SDC3: variants seen among roughly 807,000 people sequenced by gnomAD.
SDC3 encodes syndecan 3.
Under a neutral mutation model 24.4 loss-of-function variants are expected in SDC3, and 13 were observed. That is an observed-to-expected ratio of 0.53 (90% CI 0.35 to 0.85). The LOEUF (loss-of-function observed/expected upper bound fraction) is 0.85. Among genes scored for constraint, SDC3 ranks in the 40% least tolerant of loss-of-function variants. The pLI is 0.01. For missense variants in SDC3, 571 were observed against 584.5 expected (o/e 0.98, Z 0.24); for synonymous variants, 295 against 260.9 (o/e 1.13, Z -1.26).
Position 30,876,850 on chromosome 1 carries a change from G to A in SDC3, c.572C>T (p.Pro191Leu). 2 of 1,613,400 alleles carry A rather than the reference G, an allele frequency of 1.2e-6. No individual in the cohort carries two copies. The highest frequency in any genetic ancestry group is 1.7e-6 in the Non-Finnish European group (2 of 1,179,746). Reference sequence around the variant, plus strand: ...GGTGGCCGTAAAAGGGGGTGCTGCAGGGGTGCTGGGGGTGGCGGTGGCCAC... The same window carrying A: ...GGTGGCCGTAAAAGGGGGTGCTGCAAGGGTGCTGGGGGTGGCGGTGGCCAC... ...ATVATATPST[P>L]AAPPFTATTA... Residue 191 changes from proline (P) to leucine (L), a missense_variant, in exon 3 of 5, where the codon CCT becomes CTT. By Grantham distance (98) the Pro-to-Leu change is moderately conservative (BLOSUM62 -3). Coordinates refer to ENST00000339394, the MANE Select transcript of SDC3 (RefSeq NM_014654.4).
intron 1 of SDC3, among the ~76,000 whole-genome samples, chr1:30,904,199 T>C (rs894320987): frequency 2.6e-5 from 4 of 152,152 alleles, no homozygotes; most frequent in African/African-American, 9.7e-5. Context: ...CACTCCAGCC[T>C]TGGCGATAGA....
chr1:30,893,389 C>T (rs1474677877), intron 1 of SDC3, among the ~76,000 whole-genome samples: 2 of 149,312 alleles, frequency 1.3e-5, no homozygotes, highest in East Asian at 2.0e-4. Context: ...TTTCCACCAG[C>T]GGGACTGTTC....
In SDC3 at chr1:30,874,355, G is replaced by A; in HGVS notation, c.1104C>T (p.Gly368=). 1 of 1,613,724 alleles carries A rather than the reference G, an allele frequency of 6.2e-7. No homozygotes were observed. The highest frequency in any genetic ancestry group is 1.1e-5 in the South Asian group (1 of 91,066). ...PGLLDNAIDS[G]SSAAQLPQKS... is the part of the protein sequence containing the mutation. ...TCTGAGGCAGCTGAGCAGCTGAGCT[G>A]CCCGAGTCGATGGCATTGTCCAGGA... Residue 368 remains glycine, a synonymous_variant, in exon 4 of 5, where the codon GGC becomes GGT. Transcript: ENST00000339394.
chr1:30,903,040 G>A (rs1042619229), intron 1 of SDC3, among the ~76,000 whole-genome samples: 1 of 152,218 alleles, frequency 6.6e-6, no homozygotes, highest in Admixed American at 6.5e-5. Flanking sequence ...CCACGAGCCT[G>A]CCCAGGAAGC....
intron 1 of SDC3, among the ~76,000 whole-genome samples, chr1:30,880,248 G>T (rs1639722268): frequency 6.6e-6 from 1 of 151,984 alleles, no homozygotes; most frequent in African/African-American, 2.4e-5. Flanking sequence ...CAGAGATGGG[G>T]TGGTACAGGA....
At chr1:30,891,473 G>A (rs889485325) in intron 1 of SDC3, among the ~76,000 whole-genome samples, 9 of 152,182 alleles carry the variant, frequency 5.9e-5, no homozygotes, top group Non-Finnish European at 8.8e-5. Flanking sequence ...CGGTAGCCCC[G>A]TCTCTCCTGC....
At chr1:30,882,512 G>T (rs1247932684) in intron 1 of SDC3, among the ~76,000 whole-genome samples, 2 of 152,168 alleles carry the variant, frequency 1.3e-5, no homozygotes, top group Non-Finnish European at 2.9e-5. Flanking sequence ...CCCTGGGCCA[G>T]GGGCAAGGAG....
At chr1:30,909,626 C>T (rs1393138715), upstream of SDC3, among the ~76,000 whole-genome samples, 2 of 152,204 alleles carry the variant, frequency 1.3e-5, no homozygotes, top group African/African-American at 4.8e-5. Context: ...TTCTCCAAGT[C>T]TCCAATGGCG....
intron 1 of SDC3, among the ~76,000 whole-genome samples, chr1:30,896,928 A>T (rs1638273871): frequency 6.6e-6 from 1 of 152,192 alleles, no homozygotes; most frequent in Non-Finnish European, 1.5e-5. Context: ...ACACCACTGC[A>T]CTCCAATCTG....
At chr1:30,893,616 G>T (rs999802794) in intron 1 of SDC3, among the ~76,000 whole-genome samples, 1 of 151,956 alleles carries the variant, frequency 6.6e-6, no homozygotes, top group South Asian at 2.1e-4. Context: ...ACATCTCTTG[G>T]TTGGGCATCA....
chr1:30,889,728 C>T (rs1370637936), intron 1 of SDC3, among the ~76,000 whole-genome samples: 2 of 152,166 alleles, frequency 1.3e-5, no homozygotes, highest in Non-Finnish European at 1.5e-5. Context: ...GTGGGGAAAT[C>T]GGAACCCTCA....
intron 1 of SDC3, among the ~76,000 whole-genome samples, chr1:30,888,173 C>A (rs535476618): frequency 1.6e-4 from 25 of 152,292 alleles, no homozygotes; most frequent in Non-Finnish European, 2.8e-4. Context: ...CCTCCTTACT[C>A]CACAGAGGCA....
At chr1:30,876,369 C>T (rs574625736) in intron 3 of SDC3, among the ~76,000 whole-genome samples, 183 bp downstream of exon 3, 3 of 152,280 alleles carry the variant, frequency 2.0e-5, no homozygotes, top group South Asian at 2.1e-4. Context: ...CCCCAGCCCT[C>T]GTTTTCTGTC....
intron 1 of SDC3, among the ~76,000 whole-genome samples, chr1:30,904,391 C>T (rs1244616042): frequency 2.6e-5 from 4 of 152,308 alleles, no homozygotes; most frequent in African/African-American, 4.8e-5. Context: ...CCCACCACTG[C>T]CACCACTCCT....
At chr1:30,907,303 G>A (rs1020988566) in intron 1 of SDC3, among the ~76,000 whole-genome samples, 2 of 152,178 alleles carry the variant, frequency 1.3e-5, no homozygotes, top group African/African-American at 4.8e-5. Context: ...CTCAAAGGGG[G>A]ATGAGGTCCT....
At position 30,892,314 on chromosome 1, in the gene SDC3, G is replaced by C. The variant is rs1043126684; in HGVS notation, c.139-13574C>G. ...AGGAATAGCTCCCTGAGCATCCCCA[G>C]GCAGGATCAGAAGCCCAGCTTCTGC... On this transcript the variant is annotated intron_variant, in intron 1 of 4. Coordinates refer to ENST00000339394, the MANE Select transcript of SDC3 (RefSeq NM_014654.4). Among the ~76,000 whole-genome samples, 9 of 152,134 alleles carry C rather than the reference G, an allele frequency of 5.9e-5. No homozygotes were observed. In the East Asian group the frequency reaches 1.7e-3, roughly 29 times the overall value.
At chr1:30,901,833 G>A (rs185377024) in intron 1 of SDC3, among the ~76,000 whole-genome samples, 2 of 152,156 alleles carry the variant, frequency 1.3e-5, no homozygotes, top group Non-Finnish European at 2.9e-5. Flanking sequence ...AGATTTGCAG[G>A]AGCAGCCCGC....
intron 1 of SDC3, among the ~76,000 whole-genome samples, chr1:30,904,023 G>A (rs1308252412): frequency 1.3e-5 from 2 of 152,060 alleles, no homozygotes; most frequent in Admixed American, 6.6e-5. Flanking sequence ...TCAGGTGTTC[G>A]AGAACAGCCT....
chr1:30,902,666 A>G (rs1336739118), intron 1 of SDC3, among the ~76,000 whole-genome samples: 1 of 152,150 alleles, frequency 6.6e-6, no homozygotes, highest in Admixed American at 6.5e-5. Context: ...GTCCCTTGAG[A>G]CACAAAATCA....
Sources: allele counts gnomAD v4.1 joint callset (sites outside exome capture counted in the v4.1 genomes callset), GRCh38; gene constraint gnomAD v4.1.1; transcripts MANE v1.5; gene names NCBI Gene and HGNC (gene_info 2026-07-23, HGNC 2026-07-21).